The following PLA2G4E variants were observed in gnomAD, a reference collection of about 807,000 sequenced individuals.
PLA2G4E encodes the protein cytosolic phospholipase A2 epsilon.
In PLA2G4E, 84 loss-of-function variants were observed where a neutral mutation model predicts 109.1. That is an observed-to-expected ratio of 0.77 (90% CI 0.65 to 0.92). The LOEUF is 0.92. Among genes scored for constraint, PLA2G4E ranks in the 40% least tolerant of loss-of-function variants. The pLI is 0.00. For missense variants in PLA2G4E, 1,057 were observed against 1,076.6 expected, an observed-to-expected ratio of 0.98 and a Z score of 0.25; for synonymous variants, 469 against 436.1, an observed-to-expected ratio of 1.08 and a Z score of -0.94.
chr15:41,990,004 G>T, intron 14 of PLA2G4E, 117 bp downstream of exon 14: 2 of 802,942 alleles, frequency 2.5e-6, no homozygotes, highest in Middle Eastern at 3.7e-4. Context: ...GCACAGTCTG[G>T]ATGTAGAGGT....
chr15:42,017,288 G>A (rs149531525), intron 1 of PLA2G4E, among the ~76,000 whole-genome samples: 1 of 152,266 alleles, frequency 6.6e-6, no homozygotes, highest in African/African-American at 2.4e-5. Context: ...ACTCTCCCTT[G>A]GGACCTCACT....
intron 2 of PLA2G4E, among the ~76,000 whole-genome samples, chr15:42,011,729 C>CAAAAT (rs2068537784): frequency 6.6e-6 from 1 of 151,480 alleles, no homozygotes; most frequent in Non-Finnish European, 1.5e-5. Flanking sequence ...GACTCTGTCT[C>CAAAAT]AAAATAAAAT....
Position 41,984,622 on chromosome 15 carries a change from G to T in PLA2G4E, c.2203-3C>A. 1 of 1,595,446 alleles carries T rather than the reference G, an allele frequency of 6.3e-7. No homozygotes were observed. Among genetic ancestry groups the T allele is most frequent in the East Asian group, 2.2e-5 (1 of 44,502 alleles). Reference sequence around the variant, plus strand: ...TACTCACAGGTTTGTTTCAGGGGCTGGAACAGCACAGAGGGCGTGTTTGAG... The same window carrying T: ...TACTCACAGGTTTGTTTCAGGGGCTTGAACAGCACAGAGGGCGTGTTTGAG... On this transcript the variant is annotated splice_polypyrimidine_tract_variant and splice_region_variant and intron_variant, in intron 18 of 19. Coordinates refer to ENST00000399518, the Ensembl canonical transcript of PLA2G4E.
At chr15:41,989,602 C>G (rs1435417902) in intron 14 of PLA2G4E, 50 bp from the exon 15 acceptor site, 2 of 1,573,894 alleles carry the variant, frequency 1.3e-6, no homozygotes, top group African/African-American at 2.7e-5. Context: ...AGGGAGCCGT[C>G]CACACAGCCG....
intron 1 of PLA2G4E, among the ~76,000 whole-genome samples, chr15:42,015,794 T>G (rs59653761): frequency 0.015 from 2,336 of 152,292 alleles, 64 homozygotes; most frequent in African/African-American, 0.054. Flanking sequence ...TTCTGGTCCC[T>G]AGGGGCCCAA....
chr15:41,989,312 A>T, intron 15 of PLA2G4E, 103 bp downstream of exon 15: 1 of 1,492,372 alleles, frequency 6.7e-7, no homozygotes, highest in Non-Finnish European at 9.1e-7. Flanking sequence ...GGATGAGACA[A>T]TGCTGGCAAG....
In PLA2G4E at chr15:42,015,818, A is replaced by C. The variant is rs577109711; in HGVS notation, c.184-2061T>G. Among the ~76,000 whole-genome samples, 518 of 152,290 alleles carry C rather than the reference A, an allele frequency of 3.4e-3. 3 individuals are homozygous for C. Among genetic ancestry groups the C allele is most frequent in the African/African-American group, 0.012 (501 of 41,548 alleles). On this transcript the variant is annotated intron_variant, in intron 1 of 19. Coordinates refer to ENST00000399518, the Ensembl canonical transcript of PLA2G4E. ...CTAGGGGCCCAAGGCTGCAGAGGTG[A>C]GGCGCGTTTCTACTCTGAGCCGGCA... is the stretch of plus-strand genomic sequence containing the variant.
chr15:42,005,579 G>A (rs564066590), intron 4 of PLA2G4E, among the ~76,000 whole-genome samples: 1 of 152,356 alleles, frequency 6.6e-6, no homozygotes, highest in Admixed American at 6.5e-5. Context: ...TCTCTGATCT[G>A]CAGATTCGCC....
chr15:41,999,533 G>A, exon 10 of PLA2G4E: 1 of 1,608,850 alleles, frequency 6.2e-7, no homozygotes, highest in Non-Finnish European at 8.5e-7. Flanking sequence ...CCAGGGTGTA[G>A]ACTTCATGTG....
At chr15:42,041,463 A>G (rs1027142234) in intron 1 of PLA2G4E, among the ~76,000 whole-genome samples, 7 of 152,094 alleles carry the variant, frequency 4.6e-5, no homozygotes, top group African/African-American at 1.7e-4. Flanking sequence ...GCATCCATAA[A>G]TTTACATAGG....
intron 1 of PLA2G4E, among the ~76,000 whole-genome samples, chr15:42,040,794 T>C (rs781543301): frequency 6.6e-6 from 1 of 152,218 alleles, no homozygotes; most frequent in Admixed American, 6.5e-5. Context: ...TTAAAAATAG[T>C]ATTGTTGCCT....
chr15:42,026,655 G>A (rs1429371662), intron 1 of PLA2G4E, among the ~76,000 whole-genome samples: 2 of 152,120 alleles, frequency 1.3e-5, no homozygotes, highest in Non-Finnish European at 2.9e-5. Context: ...ATATCAGACA[G>A]CAATTCTGAT....
intron 13 of PLA2G4E, among the ~76,000 whole-genome samples, 163 bp from the exon 14 acceptor site, chr15:41,990,398 G>C (rs1258196060): frequency 6.6e-6 from 1 of 152,130 alleles, no homozygotes; most frequent in Non-Finnish European, 1.5e-5. Flanking sequence ...CACTCTGAAA[G>C]GGCACCAATG....
chr15:42,032,863 G>A (rs11634009), intron 1 of PLA2G4E, among the ~76,000 whole-genome samples: 15,176 of 152,240 alleles, frequency 0.1, 1,014 homozygotes, highest in Middle Eastern at 0.14. Context: ...TATTTAGTGA[G>A]GGGACCGAGA....
At chr15:41,983,432 G>A in exon 20 of PLA2G4E, 1 of 315,024 alleles carries the variant, frequency 3.2e-6, no homozygotes. Flanking sequence ...TCTGAGTCGA[G>A]GTTTCTGGGG....
chr15:42,001,264 C>T (rs547140325), intron 6 of PLA2G4E, 44 bp from the exon 7 acceptor site: 2 of 1,535,718 alleles, frequency 1.3e-6, no homozygotes, highest in African/African-American at 1.4e-5. Flanking sequence ...GAGCACCAGC[C>T]ACCTCCTTGC....
chr15:41,992,859 A>T, exon 13 of PLA2G4E: 7 of 1,613,992 alleles, frequency 4.3e-6, no homozygotes, highest in Non-Finnish European at 5.1e-6. Flanking sequence ...GGGAACAGGG[A>T]GGGTAGCTTG....
intron 17 of PLA2G4E, among the ~76,000 whole-genome samples, chr15:41,986,452 C>G (rs2068143209): frequency 6.6e-6 from 1 of 152,056 alleles, no homozygotes; most frequent in Non-Finnish European, 1.5e-5. Flanking sequence ...AGGCCTGGCT[C>G]TGCTGCTTAC....
rs1335924958 is a variant in PLA2G4E at position 41,991,362 on chromosome 15, A to G, written c.1471-1127T>C. 2.6e-5 allele frequency among the ~76,000 whole-genome samples: 4 copies of G among 152,318 alleles called. No homozygotes were observed. In the East Asian group the frequency reaches 7.7e-4, roughly 29 times the overall value. ...TGTTACAATATTGTTGAAAATGTTA[A>G]CTAGCACTTATTGATGTAATTCCCA... On this transcript the variant is annotated intron_variant, in intron 13 of 19. Coordinates refer to ENST00000399518, the Ensembl canonical transcript of PLA2G4E.
Sources: gnomAD v4.1 joint callset for allele counts (sites outside exome capture counted in the v4.1 genomes callset) on GRCh38, gnomAD v4.1.1 for gene constraint, MANE v1.5 for transcripts, NCBI Gene and HGNC (gene_info 2026-07-23, HGNC 2026-07-21) for gene names.